Variants in CTNNA2 observed in about 807,000 individuals in gnomAD.
The protein encoded by CTNNA2 is catenin alpha 2, also known as catenin alpha-2.
In CTNNA2, 42 loss-of-function variants were observed where a neutral mutation model predicts 101.0. That is an observed-to-expected ratio of 0.42 (90% CI 0.32 to 0.54). The LOEUF (loss-of-function observed/expected upper bound fraction) is 0.54. CTNNA2 is among the 20% of genes least tolerant of loss of function. CTNNA2 has a pLI of 0.14. For missense variants in CTNNA2, 871 were observed against 1,223.1 expected, an observed-to-expected ratio of 0.71 and a Z score of 4.29; for synonymous variants, 450 against 456.4, an observed-to-expected ratio of 0.99 and a Z score of 0.18.
chr2:79,713,469 G>T (rs921824035), intron 2 of CTNNA2, among the ~76,000 whole-genome samples: 4 of 152,106 alleles, frequency 2.6e-5, no homozygotes, highest in Non-Finnish European at 4.4e-5. Context: ...AGAGCATTAA[G>T]AACCTGTTCT....
chr2:79,309,400 T>G (rs1676317213), intron 2 of CTNNA2, among the ~76,000 whole-genome samples: 2 of 152,154 alleles, frequency 1.3e-5, no homozygotes, highest in South Asian at 4.1e-4. Context: ...GAATTGGGTA[T>G]CAGTTCATTT....
intron 17 of CTNNA2, among the ~76,000 whole-genome samples, chr2:80,616,821 C>A (rs899262704): frequency 6.6e-6 from 1 of 151,612 alleles, no homozygotes; most frequent in South Asian, 2.1e-4. Flanking sequence ...TAACTAATAT[C>A]ATATATAAAG....
intron 3 of CTNNA2, among the ~76,000 whole-genome samples, chr2:79,778,285 C>T (rs916881940): frequency 4.0e-5 from 6 of 151,566 alleles, no homozygotes; most frequent in South Asian, 2.1e-4. Flanking sequence ...GTGAAGTTTT[C>T]GGTGAGCCGA....
At chr2:80,628,159 G>T (rs970667393) in intron 18 of CTNNA2, among the ~76,000 whole-genome samples, 3 of 151,930 alleles carry the variant, frequency 2.0e-5, no homozygotes, top group Admixed American at 2.0e-4. Flanking sequence ...GGATAGGAAG[G>T]ATCAATATTG....
intron 3 of CTNNA2, among the ~76,000 whole-genome samples, chr2:79,751,593 C>CAAAAAAACAAA (rs1672043293): frequency 1.5e-5 from 1 of 68,944 alleles, no homozygotes; most frequent in African/African-American, 5.0e-5. Context: ...GACTCCATCT[C>CAAAAAAACAAA]AAAAAAAAAA....
chr2:79,586,677 A>G (rs1676512953), intron 1 of CTNNA2, among the ~76,000 whole-genome samples: 1 of 152,000 alleles, frequency 6.6e-6, no homozygotes. Flanking sequence ...TTAATGTTTA[A>G]AATTTTATTT....
At chr2:79,713,150 A>G (rs1247096830) in intron 2 of CTNNA2, among the ~76,000 whole-genome samples, 1 of 152,248 alleles carries the variant, frequency 6.6e-6, no homozygotes, top group African/African-American at 2.4e-5. Flanking sequence ...TGCTATGCTT[A>G]TTGAATATCA....
intron 13 of CTNNA2, among the ~76,000 whole-genome samples, chr2:80,578,311 C>T (rs1165714034): frequency 2.6e-5 from 4 of 152,146 alleles, no homozygotes; most frequent in Admixed American, 2.0e-4. Context: ...CCAAAGAGCA[C>T]ATAGAACTTT....
At chr2:80,181,855 T>A (rs1260112491) in intron 7 of CTNNA2, among the ~76,000 whole-genome samples, 1 of 152,202 alleles carries the variant, frequency 6.6e-6, no homozygotes, top group Non-Finnish European at 1.5e-5. Flanking sequence ...GTGTTCTCCA[T>A]GCTATTAGAA....
At chr2:79,361,683 G>A (rs1262102430) in intron 3 of CTNNA2, among the ~76,000 whole-genome samples, 1 of 152,094 alleles carries the variant, frequency 6.6e-6, no homozygotes, top group Non-Finnish European at 1.5e-5. Context: ...ACAATCACAA[G>A]GTCCCACAAT....
chr2:80,233,079 C>T (rs1444735948), intron 7 of CTNNA2, among the ~76,000 whole-genome samples: 3 of 152,122 alleles, frequency 2.0e-5, no homozygotes, highest in Non-Finnish European at 2.9e-5. Context: ...TTAGTTGCTT[C>T]GTGACATCCT....
At chr2:80,023,080 A>G (rs1323294809) in intron 7 of CTNNA2, among the ~76,000 whole-genome samples, 1 of 152,256 alleles carries the variant, frequency 6.6e-6, no homozygotes, top group African/African-American at 2.4e-5. Flanking sequence ...AAGCGTGGGC[A>G]TCTTTGGGCA....
chr2:80,397,134 C>A (rs1678090444), intron 8 of CTNNA2, among the ~76,000 whole-genome samples: 1 of 152,144 alleles, frequency 6.6e-6, no homozygotes, highest in African/African-American at 2.4e-5. Context: ...TAAAAAATTC[C>A]TTAGCTGTCT....
intron 6 of CTNNA2, among the ~76,000 whole-genome samples, chr2:79,907,222 T>C (rs967295805): frequency 1.3e-5 from 2 of 152,152 alleles, no homozygotes; most frequent in African/African-American, 4.8e-5. Context: ...ATAAAATAGG[T>C]CTTTGAAAAT....
intron 7 of CTNNA2, among the ~76,000 whole-genome samples, chr2:79,944,358 T>C (rs1161847783): frequency 6.6e-6 from 1 of 152,224 alleles, no homozygotes; most frequent in African/African-American, 2.4e-5. Context: ...ACTTTATTAA[T>C]TCAGTAAACA....
At chr2:80,293,949 AC>A (rs111680428) in intron 7 of CTNNA2, among the ~76,000 whole-genome samples, 3,484 of 152,256 alleles carry the variant, frequency 0.023, 125 homozygotes, top group African/African-American at 0.075. Context: ...ATGATGTCAA[AC>A]TTTGTAACTG....
At position 80,174,086 on chromosome 2, in the gene CTNNA2, C is replaced by T. The variant is rs146716501; in HGVS notation, c.1057-219125C>T. Reference sequence around the variant, plus strand: ...TTGATGAGTGGCACATGCACTGTGCCAATATAAAGTCGTTTTCTCAATGCT... The same window carrying T: ...TTGATGAGTGGCACATGCACTGTGCTAATATAAAGTCGTTTTCTCAATGCT... On this transcript the variant is annotated intron_variant, in intron 7 of 18. Transcript: ENST00000402739. 4.3e-3 allele frequency among the ~76,000 whole-genome samples: 656 copies of T among 151,990 alleles called. 13 individuals carry two copies. The highest frequency in any genetic ancestry group is 0.038 in the Admixed American group (586 of 15,272).
chr2:80,443,508 G>A (rs922614101), intron 9 of CTNNA2, among the ~76,000 whole-genome samples: 6 of 152,084 alleles, frequency 3.9e-5, no homozygotes, highest in African/African-American at 1.4e-4. Flanking sequence ...TAACATTCAT[G>A]GCCTAATAGA....
At chr2:80,631,263 A>G (rs1672254173) in intron 18 of CTNNA2, among the ~76,000 whole-genome samples, 1 of 152,136 alleles carries the variant, frequency 6.6e-6, no homozygotes, top group Non-Finnish European at 1.5e-5. Context: ...TTCCTTGGTT[A>G]AAAGTTGTCA....
Sources: gnomAD v4.1 joint callset for allele counts (sites outside exome capture counted in the v4.1 genomes callset) on GRCh38, gnomAD v4.1.1 for gene constraint, MANE v1.5 for transcripts, NCBI Gene and HGNC (gene_info 2026-07-23, HGNC 2026-07-21) for gene names.